Variants in SEMA3C observed in about 807,000 individuals in gnomAD.
The protein encoded by SEMA3C is semaphorin 3C.
In SEMA3C, 47 loss-of-function variants were observed where a neutral mutation model predicts 89.4. The observed-to-expected ratio is 0.53, with a 90% CI of 0.42 to 0.67. The LOEUF (loss-of-function observed/expected upper bound fraction) is 0.67, where lower values mean the gene tolerates loss of function less well. Ranked by LOEUF, SEMA3C falls within the 30% of genes least tolerant of loss-of-function variation. SEMA3C has a pLI of 0.00. For missense variants in SEMA3C, 839 were observed against 929.1 expected (o/e 0.90, Z 1.26); for synonymous variants, 310 against 320.2 (o/e 0.97, Z 0.34).
chr7:80,767,090 C>T (rs1265360150), intron 12 of SEMA3C, among the ~76,000 whole-genome samples: 1 of 152,186 alleles, frequency 6.6e-6, no homozygotes, highest in South Asian at 2.1e-4. Context: ...TATTTTTCTT[C>T]CTTCCATTCC....
chr7:80,799,138 T>C (rs1335707552), intron 10 of SEMA3C, among the ~76,000 whole-genome samples: 1 of 152,218 alleles, frequency 6.6e-6, no homozygotes. Flanking sequence ...AAATCAAGAC[T>C]ACTTAGAACA....
At chr7:80,790,174 C>A (rs953922195) in intron 11 of SEMA3C, among the ~76,000 whole-genome samples, 15 of 152,036 alleles carry the variant, frequency 9.9e-5, no homozygotes, top group African/African-American at 3.6e-4. Flanking sequence ...ATCCCAACTC[C>A]TTGGGAAACT....
rs930394078 is a variant in SEMA3C at position 80,751,066 on chromosome 7, CCAGA to C, written c.1711+199_1711+202del. The stretch of plus-strand genomic sequence containing the variant: ...TAACATACTTGAAGTATGCGTGTTC[CCAGA>C]CATTTGTTTTACACGATTCTCAGTA... On this transcript the variant is annotated intron_variant, in intron 16 of 17. Transcript: ENST00000265361. Among the ~76,000 whole-genome samples the C allele has an allele frequency of 4.6e-5, 7 of 152,056 alleles. No individual in the cohort carries two copies. In the East Asian group the frequency reaches 9.6e-4, roughly 21 times the overall value.
rs956135912 is a variant in SEMA3C, at chr7:80,785,988, C to T, written c.1354+3318G>A. 9.2e-5 allele frequency among the ~76,000 whole-genome samples: 14 copies of T among 152,214 alleles called. No individual in the cohort carries two copies. In the East Asian group the frequency reaches 2.7e-3, roughly 29 times the overall value. Reference sequence around the variant, plus strand: ...TCATTGTTTAAAAATTATAATGCAGCCGGTTATGACAATAAGGTCCAGTGG... The same window carrying T: ...TCATTGTTTAAAAATTATAATGCAGTCGGTTATGACAATAAGGTCCAGTGG... On this transcript the variant is annotated intron_variant, in intron 12 of 17. Coordinates refer to ENST00000265361, the MANE Select transcript of SEMA3C (RefSeq NM_006379.5).
intron 8 of SEMA3C, 69 bp from the exon 9 acceptor site, chr7:80,802,848 T>G (rs1789242536): frequency 9.1e-7 from 1 of 1,099,828 alleles, no homozygotes; most frequent in Non-Finnish European, 1.4e-6. Context: ...AAATTCGACT[T>G]GTACTCTAGT....
chr7:80,772,090 A>C (rs1050289009), intron 12 of SEMA3C, among the ~76,000 whole-genome samples: 4 of 152,236 alleles, frequency 2.6e-5, no homozygotes, highest in Admixed American at 2.6e-4. Context: ...CCCAAGAAAG[A>C]ACTGCAAAAT....
At chr7:80,847,529 C>A (rs1447811816) in intron 2 of SEMA3C, among the ~76,000 whole-genome samples, 3 of 152,132 alleles carry the variant, frequency 2.0e-5, no homozygotes, top group Non-Finnish European at 4.4e-5. Flanking sequence ...TTACTGTTGG[C>A]ACTCTCTGCC....
intron 12 of SEMA3C, among the ~76,000 whole-genome samples, chr7:80,780,091 G>A (rs921063731): frequency 1.3e-5 from 2 of 152,072 alleles, no homozygotes; most frequent in African/African-American, 4.8e-5. Flanking sequence ...TCATCCTTAG[G>A]AGCTCTAAGA....
intron 6 of SEMA3C, among the ~76,000 whole-genome samples, chr7:80,809,146 T>C (rs529007720): frequency 1.3e-4 from 20 of 152,310 alleles, no homozygotes; most frequent in African/African-American, 4.8e-4. Flanking sequence ...AGGTATTCAA[T>C]GACTGAGGTT....
chr7:80,835,801 C>A (rs1377177450), intron 2 of SEMA3C, among the ~76,000 whole-genome samples: 1 of 152,170 alleles, frequency 6.6e-6, no homozygotes, highest in Non-Finnish European at 1.5e-5. Context: ...AATTTCCATT[C>A]AAAGTCTTTG....
At chr7:80,829,718 G>A (rs1055935413) in intron 2 of SEMA3C, among the ~76,000 whole-genome samples, 1 of 152,110 alleles carries the variant, frequency 6.6e-6, no homozygotes. Flanking sequence ...CTAACTGCCT[G>A]TATGGCTGGC....
chr7:80,915,210 A>C (rs1394159088), intron 2 of SEMA3C, among the ~76,000 whole-genome samples: 1 of 152,164 alleles, frequency 6.6e-6, no homozygotes, highest in Non-Finnish European at 1.5e-5. Flanking sequence ...GTAGTCTGTA[A>C]GATGCTTTAG....
At chr7:80,919,421 C>G, upstream of SEMA3C, 1 of 968,308 alleles carries the variant, frequency 1.0e-6, no homozygotes, top group Non-Finnish European at 1.2e-6. Context: ...AAGACTTACA[C>G]AGGCTTTGCC....
intron 5 of SEMA3C, among the ~76,000 whole-genome samples, chr7:80,814,153 G>A (rs546791628): frequency 1.2e-4 from 18 of 147,644 alleles, no homozygotes; most frequent in African/African-American, 3.8e-4. Flanking sequence ...CAGTGGCCAC[G>A]ATCTCAGCTC....
chr7:80,820,145 C>A (rs6958330), intron 4 of SEMA3C, among the ~76,000 whole-genome samples: 12,805 of 150,094 alleles, frequency 0.085, 564 homozygotes, highest in African/African-American at 0.099. Context: ...GCAACCTCTG[C>A]CTCCTGGGTT....
intron 6 of SEMA3C, among the ~76,000 whole-genome samples, chr7:80,806,857 T>C (rs574783568): frequency 6.6e-6 from 1 of 152,244 alleles, no homozygotes; most frequent in South Asian, 2.1e-4. Context: ...CAAAGTACTC[T>C]AAGCTCACTG....
At chr7:80,824,149 ACT>A (rs914203662) in intron 4 of SEMA3C, among the ~76,000 whole-genome samples, 3 of 152,088 alleles carry the variant, frequency 2.0e-5, no homozygotes, top group South Asian at 2.1e-4. Context: ...GGGATGCTTA[ACT>A]CTGTTTTATT....
intron 1 of SEMA3C, among the ~76,000 whole-genome samples, chr7:80,917,367 G>C (rs112337772): frequency 6.6e-6 from 1 of 152,136 alleles, no homozygotes; most frequent in African/African-American, 2.4e-5. Flanking sequence ...GAAGTCACTG[G>C]AATCAGTTAT....
chr7:80,756,054 G>A (rs1788058903), intron 15 of SEMA3C, among the ~76,000 whole-genome samples: 2 of 152,102 alleles, frequency 1.3e-5, no homozygotes, highest in Non-Finnish European at 1.5e-5. Flanking sequence ...AAGTGATCCA[G>A]CCCAGGCCAC....
Sources: gnomAD v4.1 joint callset for allele counts (sites outside exome capture counted in the v4.1 genomes callset) on GRCh38, gnomAD v4.1.1 for gene constraint, MANE v1.5 for transcripts, NCBI Gene and HGNC (gene_info 2026-07-23, HGNC 2026-07-21) for gene names.